IMP4: variants seen among roughly 807,000 people sequenced by gnomAD.
IMP4 encodes the protein U3 small nucleolar ribonucleoprotein IMP4.
IMP4 carries 30 observed loss-of-function variants against 42.7 expected under a neutral mutation model. The ratio of observed to expected loss-of-function variants is 0.70; its 90% CI spans 0.53 to 0.95. The LOEUF (loss-of-function observed/expected upper bound fraction) is 0.95, where lower values mean the gene tolerates loss of function less well. IMP4 is among the 40% of genes least tolerant of loss of function. IMP4 has a pLI of 0.00. For missense variants in IMP4, 382 were observed against 411.4 expected (o/e 0.93, Z 0.62); for synonymous variants, 165 against 165.2 (o/e 1.00, Z 0.01).
chr2:130,344,725 G>C lies in IMP4; in HGVS notation c.196+13G>C, dbSNP rs548838240. The C allele has an allele frequency of 3.8e-6, 6 of 1,585,234 alleles. No individual in the cohort carries two copies. The highest frequency in any genetic ancestry group is 3.3e-4 in the Middle Eastern group (2 of 5,974). ...GCTGGAGGTGAAGGTAACTATACAA[G>C]GTAGCCCTCCCCAACACTGAGCTGG... is the stretch of plus-strand genomic sequence containing the variant. On this transcript the variant is annotated intron_variant, in intron 3 of 8. Transcript: ENST00000259239.
At position 130,342,904 on chromosome 2, in the gene IMP4, C is replaced by T. The variant is rs1316771455; in HGVS notation, c.-29C>T. 6.2e-7 allele frequency: 1 copy of T among 1,613,970 alleles called. No individual in the cohort carries two copies. The highest frequency in any genetic ancestry group is 8.5e-7 in the Non-Finnish European group (1 of 1,179,834). On this transcript the variant is annotated 5_prime_UTR_variant, in exon 1 of 9. Transcript: ENST00000259239. Reference sequence around the variant, plus strand: ...CGCGCTGGAGGAGCCCACAGATTCTCCCGGACCCACGTGGAAGCGGCACTC... The same window carrying T: ...CGCGCTGGAGGAGCCCACAGATTCTTCCGGACCCACGTGGAAGCGGCACTC...
chr2:130,344,606 G>C (rs772052586), intron 2 of IMP4, 23 bp from the exon 3 acceptor site: 4 of 1,565,082 alleles, frequency 2.6e-6, no homozygotes, highest in Non-Finnish European at 3.5e-6. Flanking sequence ...GACTCACTCA[G>C]CCCCTCTCTC....
At position 130,343,150 on chromosome 2, in the gene IMP4, G is replaced by A. The variant is rs559100058; in HGVS notation, c.68G>A (p.Arg23His). 1 of 1,550,414 alleles carries A rather than the reference G, an allele frequency of 6.4e-7. No homozygotes were observed. The change falls in exon 2 of 9, where the codon CGC (arginine) becomes CAC (histidine). Residue 23 changes from arginine to histidine, a missense_variant. By Grantham distance (29) the Arg-to-His change is conservative (BLOSUM62 0). Coordinates refer to ENST00000259239, the MANE Select transcript of IMP4 (RefSeq NM_033416.3). Reference sequence around the variant, plus strand: ...CGCAAGGCCCGGGAGGAGGCGCAGCGCTCAGCCCAGGAGAGGAAGGAGCGG... The same window carrying A: ...CGCAAGGCCCGGGAGGAGGCGCAGCACTCAGCCCAGGAGAGGAAGGAGCGG... ...LYRKAREEAQ[R>H]SAQERKERLR...
rs759130693 is a variant in IMP4 at position 130,344,658 on chromosome 2, C to G, written c.142C>G (p.Arg48Gly). The G allele has an allele frequency of 2.4e-5, 38 of 1,614,096 alleles. No homozygotes were observed. In the South Asian group the frequency reaches 4.0e-4, roughly 17 times the overall value. ...ENRLIPTELR[R>G]EALALQGSLE... The stretch of plus-strand genomic sequence containing the variant: ...CCGCCTGATTCCCACTGAGTTACGC[C>G]GAGAGGCTCTGGCCTTACAGGGGTC... Residue 48 changes from arginine to glycine, a missense_variant, in exon 3 of 9, where the codon CGA becomes GGA. Physicochemically the swap from Arg to Gly is moderately radical, Grantham distance 125 (BLOSUM62 -2). Transcript: ENST00000259239.
chr2:130,346,378 G>A lies in IMP4; in HGVS notation c.786G>A (p.Thr262=), dbSNP rs544917605. 38 of 1,583,994 alleles carry A rather than the reference G, an allele frequency of 2.4e-5. No individual in the cohort carries two copies. In the South Asian group the frequency reaches 3.2e-4, roughly 13 times the overall value. Residue 262 remains threonine (T), a synonymous_variant, in exon 9 of 9, where the codon ACG becomes ACA. Transcript: ENST00000259239. ...ELKLYMIRLG[T]LEQEATADVE... ...CAGTGTACATGATCCGTCTGGGCAC[G>A]CTGGAGCAGGAGGCCACAGCAGACG...
In IMP4 at chr2:130,343,016, C is replaced by T. The variant is rs61744780; in HGVS notation, c.4-70C>T. The T allele has an allele frequency of 5.0e-4, 804 of 1,608,082 alleles. 4 individuals are homozygous for T. In the African/African-American group the frequency reaches 9.4e-3, roughly 19 times the overall value. ...TGGCTCTGGGGACTTGGAGGCTCAG[C>T]GGCTCCGGGGCTCCGGGGTTCCGGG... On this transcript the variant is annotated intron_variant, in intron 1 of 8. Transcript: ENST00000259239.
rs79445243 is a variant in IMP4, at chr2:130,345,590, C to A, written c.330C>A (p.Gly110=). 6.2e-7 allele frequency: 1 copy of A among 1,614,044 alleles called. No individual in the cohort carries two copies. The highest frequency in any genetic ancestry group is 8.5e-7 in the Non-Finnish European group (1 of 1,180,042). ...FAKELKLVFP[G]AQRMNRGRHE... is the part of the protein sequence containing the mutation. ...AGGAGCTGAAGCTGGTGTTCCCGGG[C>A]GCCCAGCGAATGAACCGAGGTCGAC... Residue 110 remains glycine (G), a synonymous_variant, in exon 5 of 9, where the codon GGC becomes GGA. Transcript: ENST00000259239. This position sits in a 1 kb window ranked among gnomAD's most constrained non-coding sequence, Gnocchi z 4.9.
In IMP4 at chr2:130,345,533, C is replaced by T; in HGVS notation, c.307-34C>T. On this transcript the variant is annotated intron_variant, in intron 4 of 8. Coordinates refer to ENST00000259239, the MANE Select transcript of IMP4 (RefSeq NM_033416.3). The surrounding 1 kb of genome is among the most constrained non-coding windows in gnomAD (Gnocchi z 4.9). ...GGAGAGACACCCAGGACACACAGCCCCAGTCCTGACTGTACACTGCCATCC... is the reference window on the plus strand; with the variant it reads ...GGAGAGACACCCAGGACACACAGCCTCAGTCCTGACTGTACACTGCCATCC... 6.2e-7 allele frequency: 1 copy of T among 1,614,106 alleles called. No homozygotes were observed. Among genetic ancestry groups the T allele is most frequent in the Non-Finnish European group, 8.5e-7 (1 of 1,179,994 alleles).
At chr2:130,344,570 G>C (rs1212612407) in intron 2 of IMP4, 59 bp from the exon 3 acceptor site, 8 of 1,074,964 alleles carry the variant, frequency 7.4e-6, no homozygotes, top group East Asian at 2.4e-5. Flanking sequence ...GTGGTGTATT[G>C]GATGAGCTGA....
chr2:130,345,882 G>T lies in IMP4; in HGVS notation c.543G>T (p.Glu181Asp). 1 of 1,614,194 alleles carries T rather than the reference G, an allele frequency of 6.2e-7. No homozygotes were observed. The highest frequency in any genetic ancestry group is 8.5e-7 in the Non-Finnish European group (1 of 1,180,036). The change falls in exon 6 of 9, where the codon GAG (glutamate) becomes GAT (aspartate). Residue 181 changes from glutamate (E) to aspartate (D), a missense_variant. Transcript: ENST00000259239. This position sits in a 1 kb window ranked among gnomAD's most constrained non-coding sequence, Gnocchi z 4.9. ...HDIPDLGTMS[E>D]AKPHLITHGF... ...TCCCAGACCTGGGCACCATGTCGGA[G>T]GCCAAGCCCCACCTCATCACACACG... is the stretch of plus-strand genomic sequence containing the variant.
In IMP4 at chr2:130,346,521, CA is replaced by C; in HGVS notation, c.*54del. ...GACTTGGAACTCAGGATGGGGCTGT[CA>C]TAGACAGACCCACCAGTAGGAACTG... On this transcript the variant is annotated 3_prime_UTR_variant, in exon 9 of 9. Transcript: ENST00000259239. The C allele has an allele frequency of 2.9e-5, 35 of 1,227,844 alleles. No individual in the cohort carries two copies. Among genetic ancestry groups the C allele is most frequent in the Non-Finnish European group, 4.0e-5 (34 of 855,412 alleles). 76.1% of individuals were successfully genotyped at this position (1,227,844 alleles called of 1,614,324 possible).
At position 130,346,507 on chromosome 2, in the gene IMP4, CA is replaced by C. The variant is rs1679589430; in HGVS notation, c.*40del. Reference sequence around the variant, plus strand: ...TCAGTCAGGACATGGACTTGGAACTCAGGATGGGGCTGTCATAGACAGACCC... The same window carrying C: ...TCAGTCAGGACATGGACTTGGAACTCGGATGGGGCTGTCATAGACAGACCC... On this transcript the variant is annotated 3_prime_UTR_variant, in exon 9 of 9. Coordinates refer to ENST00000259239, the MANE Select transcript of IMP4 (RefSeq NM_033416.3). The C allele has an allele frequency of 1.4e-6, 2 of 1,397,622 alleles. No individual in the cohort carries two copies. The highest frequency in any genetic ancestry group is 2.9e-5 in the African/African-American group (2 of 70,146). The allele number at this position is 1,397,622 out of a possible 1,614,324, so 86.6% of individuals were successfully genotyped here.
At chr2:130,344,251 C>T (rs1315039373) in intron 2 of IMP4, among the ~76,000 whole-genome samples, 13 of 152,112 alleles carry the variant, frequency 8.5e-5, no homozygotes, top group African/African-American at 3.1e-4. Flanking sequence ...TGGCGTGAAC[C>T]CAGGAAGCGG....
In IMP4 at chr2:130,346,072, G is replaced by T; in HGVS notation, c.649G>T (p.Val217Phe). 6.2e-7 allele frequency: 1 copy of T among 1,614,232 alleles called. No individual in the cohort carries two copies. Among genetic ancestry groups the T allele is most frequent in the Non-Finnish European group, 8.5e-7 (1 of 1,180,040 alleles). ...CGTGCCCAAAGATGACAGCCACCGG[G>T]TCATCACCTTCGCAAACCAGGACGA... is the stretch of plus-strand genomic sequence containing the variant. ...FPVPKDDSHR[V>F]ITFANQDDYI... is the part of the protein sequence containing the mutation. Residue 217 changes from valine to phenylalanine, a missense_variant, in exon 7 of 9, where the codon GTC becomes TTC. Physicochemically the swap from Val to Phe is conservative, Grantham distance 50. Transcript: ENST00000259239.
chr2:130,344,076 C>T (rs1459769914), intron 2 of IMP4, among the ~76,000 whole-genome samples: 1 of 152,262 alleles, frequency 6.6e-6, no homozygotes, highest in Non-Finnish European at 1.5e-5. Context: ...CGCCTGTAAT[C>T]CCAGCACTTT....
chr2:130,345,541 G>C lies in IMP4; in HGVS notation c.307-26G>C, dbSNP rs1430033666. 3.7e-6 allele frequency: 6 copies of C among 1,614,014 alleles called. No homozygotes were observed. The highest frequency in any genetic ancestry group is 5.1e-6 in the Non-Finnish European group (6 of 1,180,034). ...ACCCAGGACACACAGCCCCAGTCCT[G>C]ACTGTACACTGCCATCCACGCCCAG... On this transcript the variant is annotated intron_variant, in intron 4 of 8. Transcript: ENST00000259239. This position sits in a 1 kb window ranked among gnomAD's most constrained non-coding sequence, Gnocchi z 4.9.
chr2:130,346,753 A>G lies in IMP4; in HGVS notation c.*285A>G, dbSNP rs1327292752. 1 of 495,292 alleles carries G rather than the reference A, an allele frequency of 2.0e-6. No individual in the cohort carries two copies. The highest frequency in any genetic ancestry group is 3.3e-5 in the Admixed American group (1 of 30,076). The allele number at this position is 495,292 out of a possible 1,614,324, so 30.7% of individuals were successfully genotyped here. A position where few individuals can be genotyped will look rare whatever the true frequency, so the allele number is the denominator to read the frequency against. On this transcript the variant is annotated 3_prime_UTR_variant, in exon 9 of 9. Transcript: ENST00000259239. Reference sequence around the variant, plus strand: ...AGTGTGGGGGTTAACAGAGAGAGAGATTTGATGCTAACGTCCCCTCAAGAG... The same window carrying G: ...AGTGTGGGGGTTAACAGAGAGAGAGGTTTGATGCTAACGTCCCCTCAAGAG...
At chr2:130,344,947 C>A (rs1295914132) in intron 3 of IMP4, 3 of 586,968 alleles carry the variant, frequency 5.1e-6, no homozygotes, top group African/African-American at 1.9e-5. Context: ...ACCTCCCCCA[C>A]TGGAGTGCCT....
chr2:130,346,666 A>G lies in IMP4; in HGVS notation c.*198A>G, dbSNP rs1679602277. On this transcript the variant is annotated 3_prime_UTR_variant, in exon 9 of 9. Coordinates refer to ENST00000259239, the MANE Select transcript of IMP4 (RefSeq NM_033416.3). ...TGGTCAGGCCAAGTCTGCAGGGCAAAGCCCATGGGATCCCTTTGGGTGGGG... is the reference window on the plus strand; with the variant it reads ...TGGTCAGGCCAAGTCTGCAGGGCAAGGCCCATGGGATCCCTTTGGGTGGGG... 2 of 607,622 alleles carry G rather than the reference A, an allele frequency of 3.3e-6. No homozygotes were observed. The highest frequency in any genetic ancestry group is 5.9e-6 in the Non-Finnish European group (2 of 340,118). The allele number at this position is 607,622 out of a possible 1,614,324, so 37.6% of individuals were successfully genotyped here.
Sources: allele counts gnomAD v4.1 joint callset (sites outside exome capture counted in the v4.1 genomes callset), GRCh38; gene constraint gnomAD v4.1.1; non-coding constraint Gnocchi (gnomAD v3.1); transcripts MANE v1.5; gene names NCBI Gene and HGNC (gene_info 2026-07-23, HGNC 2026-07-21).